The following PDE8B variants were observed in gnomAD, a reference collection of about 807,000 sequenced individuals.
PDE8B encodes phosphodiesterase 8B.
A neutral mutation model predicts 101.3 loss-of-function variants in PDE8B; 26 were observed. The ratio of observed to expected loss-of-function variants is 0.26; its 90% CI spans 0.19 to 0.36. The LOEUF (loss-of-function observed/expected upper bound fraction) is 0.36. PDE8B is among the 10% of genes least tolerant of loss of function. PDE8B has a pLI of 1.00. For missense variants in PDE8B, 810 were observed against 1,163.1 expected (o/e 0.70, Z 4.42); for synonymous variants, 424 against 429.3 (o/e 0.99, Z 0.15).
At chr5:77,108,800 C>T in the PDE8B span, among the ~76,000 whole-genome samples, 2 of 152,108 alleles carry the variant, frequency 1.3e-5, no homozygotes, top group Non-Finnish European at 2.9e-5. Context: ...TATTTATCTG[C>T]ACCACATTCA....
the PDE8B span, among the ~76,000 whole-genome samples, chr5:77,160,154 A>G: frequency 6.6e-6 from 1 of 152,156 alleles, no homozygotes; most frequent in African/African-American, 2.4e-5. Context: ...TTCCAAGAAT[A>G]TTGTACCAAT....
At chr5:77,189,609 G>A in the PDE8B span, among the ~76,000 whole-genome samples, 126 of 152,312 alleles carry the variant, frequency 8.3e-4, no homozygotes, top group Non-Finnish European at 1.6e-3. Flanking sequence ...GATAGTGGGT[G>A]CAAAGGCCCT....
chr5:77,228,529 G>C (rs1293329443), intron 1 of PDE8B, among the ~76,000 whole-genome samples: 1 of 152,032 alleles, frequency 6.6e-6, no homozygotes, highest in Non-Finnish European at 1.5e-5. Flanking sequence ...AAGACAAATA[G>C]GGATTAACTT....
At chr5:77,255,917 C>A (rs532793878) in intron 1 of PDE8B, among the ~76,000 whole-genome samples, 2 of 152,338 alleles carry the variant, frequency 1.3e-5, no homozygotes, top group East Asian at 3.9e-4. Context: ...AAATTGATTT[C>A]TCTGCCCTGG....
At chr5:77,183,935 A>C in the PDE8B span, among the ~76,000 whole-genome samples, 1 of 151,728 alleles carries the variant, frequency 6.6e-6, no homozygotes, top group African/African-American at 2.4e-5. Flanking sequence ...TGGAATTATT[A>C]TGTGAAAGAT....
chr5:77,359,234 G>A (rs1314764742), intron 10 of PDE8B, among the ~76,000 whole-genome samples: 1 of 152,210 alleles, frequency 6.6e-6, no homozygotes, highest in Non-Finnish European at 1.5e-5. Context: ...TTCACGCTTG[G>A]TGGTGATGGT....
Position 77,388,199 on chromosome 5 carries a change from C to T in PDE8B, c.1168-12049C>T, listed in dbSNP as rs539917069. 2.6e-5 allele frequency among the ~76,000 whole-genome samples: 4 copies of T among 152,212 alleles called. No individual in the cohort carries two copies. In the South Asian group the frequency reaches 8.3e-4, roughly 32 times the overall value. ...TTCAGCCTTTTTGCGCTGGTGTCTC[C>T]CCATCTTCATGTATTTATCTACCTT... On this transcript the variant is annotated intron_variant, in intron 10 of 21. Transcript: ENST00000264917.
the PDE8B span, among the ~76,000 whole-genome samples, chr5:77,096,974 C>T: frequency 6.6e-6 from 1 of 152,212 alleles, no homozygotes; most frequent in Non-Finnish European, 1.5e-5. Flanking sequence ...CTCAAAGCAC[C>T]TACAAGTGTC....
chr5:77,400,653 T>C (rs1272412364), intron 11 of PDE8B, among the ~76,000 whole-genome samples: 3 of 152,212 alleles, frequency 2.0e-5, no homozygotes, highest in Admixed American at 2.0e-4. Flanking sequence ...GTGTCCAGTC[T>C]CCCTTTTCTT....
the PDE8B span, among the ~76,000 whole-genome samples, chr5:77,177,967 G>T: frequency 2.2e-3 from 334 of 152,320 alleles, no homozygotes; most frequent in African/African-American, 7.5e-3. Context: ...GATAAGTGGG[G>T]ACTACTGTAT....
chr5:77,297,808 C>A (rs1448493220), intron 1 of PDE8B, among the ~76,000 whole-genome samples: 2 of 152,112 alleles, frequency 1.3e-5, no homozygotes, highest in African/African-American at 4.8e-5. Context: ...TTCCATCTGC[C>A]AAAAATGCTC....
At chr5:77,351,465 T>A (rs1781107767) in intron 9 of PDE8B, among the ~76,000 whole-genome samples, 1 of 152,188 alleles carries the variant, frequency 6.6e-6, no homozygotes, top group African/African-American at 2.4e-5. Context: ...GATCTCCTGC[T>A]GGTGCTCTCT....
intron 1 of PDE8B, among the ~76,000 whole-genome samples, chr5:77,303,605 T>C (rs2150055512): frequency 6.6e-6 from 1 of 152,068 alleles, no homozygotes; most frequent in South Asian, 2.1e-4. Flanking sequence ...AATAAATAGG[T>C]CATTCACAAT....
the PDE8B span, among the ~76,000 whole-genome samples, chr5:77,099,914 G>A: frequency 3.3e-5 from 5 of 152,278 alleles, no homozygotes; most frequent in South Asian, 4.1e-4. Flanking sequence ...CCGGCCCGGG[G>A]TGACCTTTTC....
chr5:77,140,112 A>G, the PDE8B span: 3 of 152,202 alleles, frequency 2.0e-5, no homozygotes, highest in Non-Finnish European at 4.4e-5. Flanking sequence ...TACCGATATC[A>G]CCAACTCTCA....
At chr5:77,277,993 G>A (rs902723608) in intron 1 of PDE8B, among the ~76,000 whole-genome samples, 3 of 152,144 alleles carry the variant, frequency 2.0e-5, no homozygotes, top group African/African-American at 7.2e-5. Flanking sequence ...TTTGTCCATG[G>A]TTTGGAGGCT....
the PDE8B span, among the ~76,000 whole-genome samples, chr5:77,174,814 A>G: frequency 6.6e-6 from 1 of 152,096 alleles, no homozygotes; most frequent in Non-Finnish European, 1.5e-5. Flanking sequence ...CCCACAGCTC[A>G]CAGTAGCATC....
the PDE8B span, chr5:77,092,377 T>C: frequency 6.6e-6 from 1 of 152,184 alleles, no homozygotes; most frequent in Non-Finnish European, 1.5e-5. Context: ...CTACATCCTT[T>C]GTTCAAGTTT....
chr5:77,413,372 A>G, intron 17 of PDE8B, 63 bp downstream of exon 17: 8 of 1,417,380 alleles, frequency 5.6e-6, no homozygotes, highest in Non-Finnish European at 7.9e-6. Flanking sequence ...ACTTAATCTT[A>G]GTAAATACAT....
Sources: allele counts gnomAD v4.1 joint callset (sites outside exome capture counted in the v4.1 genomes callset), GRCh38; gene constraint gnomAD v4.1.1; transcripts MANE v1.5; gene names NCBI Gene and HGNC (gene_info 2026-07-23, HGNC 2026-07-21).